GPR39: variants seen among roughly 807,000 people sequenced by gnomAD.
The protein encoded by GPR39 is G protein-coupled receptor 39, also known as zinc sensing receptor.
Under a neutral mutation model 18.4 loss-of-function variants are expected in GPR39, and 23 were observed. The ratio of observed to expected loss-of-function variants is 1.25; its 90% confidence interval spans 0.90 to 1.77. GPR39 has a LOEUF of 1.77. Ranked by LOEUF, GPR39 falls within the 40% of genes most tolerant of loss-of-function variation. GPR39 has a pLI of 0.00. For synonymous variants in GPR39, 280 were observed against 257.9 expected, an observed-to-expected ratio of 1.09 and a Z score of -0.82; for missense variants, 647 against 602.4, an observed-to-expected ratio of 1.07 and a Z score of -0.78.
intron 1 of GPR39, among the ~76,000 whole-genome samples, chr2:132,632,061 T>A (rs1681659918): frequency 6.6e-6 from 1 of 152,068 alleles, no homozygotes; most frequent in Admixed American, 6.5e-5. Context: ...CCTCAAGCGA[T>A]CTGCCCTCGG....
intron 1 of GPR39, among the ~76,000 whole-genome samples, chr2:132,491,813 C>A (rs112722041): frequency 3.9e-5 from 6 of 151,954 alleles, no homozygotes; most frequent in African/African-American, 1.4e-4. Flanking sequence ...TGACCTCAGG[C>A]AAGCCACACA....
At chr2:132,634,398 G>C (rs928733037) in intron 1 of GPR39, among the ~76,000 whole-genome samples, 1 of 152,166 alleles carries the variant, frequency 6.6e-6, no homozygotes, top group Non-Finnish European at 1.5e-5. Flanking sequence ...AACTGTTCCA[G>C]TCAGGTAGAG....
At chr2:132,640,629 A>G (rs1681840808) in intron 1 of GPR39, among the ~76,000 whole-genome samples, 1 of 150,838 alleles carries the variant, frequency 6.6e-6, no homozygotes, top group Admixed American at 6.5e-5. Flanking sequence ...AAAGAATTAT[A>G]GATTTTTTCC....
intron 1 of GPR39, among the ~76,000 whole-genome samples, chr2:132,457,523 C>T (rs1169107938): frequency 6.6e-6 from 1 of 152,196 alleles, no homozygotes; most frequent in Non-Finnish European, 1.5e-5. Context: ...TGTTCCATTG[C>T]TGTCCATATG....
At chr2:132,568,946 G>A (rs532288234) in intron 1 of GPR39, among the ~76,000 whole-genome samples, 3 of 152,188 alleles carry the variant, frequency 2.0e-5, no homozygotes, top group African/African-American at 4.8e-5. Context: ...GGCAGTGAAC[G>A]AAGACAGAAT....
chr2:132,503,769 C>G (rs191993960), intron 1 of GPR39, among the ~76,000 whole-genome samples: 15 of 152,304 alleles, frequency 9.8e-5, no homozygotes, highest in African/African-American at 3.6e-4. Flanking sequence ...GCAGGGCTTT[C>G]TGTGGCTGCT....
At chr2:132,511,688 G>A (rs10496687) in intron 1 of GPR39, among the ~76,000 whole-genome samples, 15,715 of 152,202 alleles carry the variant, frequency 0.1, 895 homozygotes, top group East Asian at 0.17. Flanking sequence ...ACCATTTGCT[G>A]TCTTGGTAAA....
At chr2:132,635,269 C>A (rs899420558) in intron 1 of GPR39, among the ~76,000 whole-genome samples, 1 of 152,240 alleles carries the variant, frequency 6.6e-6, no homozygotes, top group Non-Finnish European at 1.5e-5. Context: ...ATTTATTGAG[C>A]AGCTACTATA....
At chr2:132,461,615 T>C (rs1680833078) in intron 1 of GPR39, among the ~76,000 whole-genome samples, 1 of 152,238 alleles carries the variant, frequency 6.6e-6, no homozygotes, top group African/African-American at 2.4e-5. Context: ...TTGAAAACCA[T>C]ATTGCACATA....
At chr2:132,628,251 G>A (rs1161481348) in intron 1 of GPR39, among the ~76,000 whole-genome samples, 2 of 152,152 alleles carry the variant, frequency 1.3e-5, no homozygotes, top group Non-Finnish European at 2.9e-5. Flanking sequence ...TGAGGCTCCT[G>A]CCCTACTGCT....
At chr2:132,569,216 G>C (rs1323850995) in intron 1 of GPR39, among the ~76,000 whole-genome samples, 1 of 152,104 alleles carries the variant, frequency 6.6e-6, no homozygotes, top group Non-Finnish European at 1.5e-5. Flanking sequence ...AATAACAAGA[G>C]AGATGTTTGA....
intron 1 of GPR39, among the ~76,000 whole-genome samples, chr2:132,634,978 C>T (rs1305099968): frequency 2.6e-5 from 4 of 152,210 alleles, no homozygotes; most frequent in South Asian, 2.1e-4. Flanking sequence ...AAGCCACCTG[C>T]CTTGAAGGCA....
chr2:132,511,435 A>T (rs1447221276), intron 1 of GPR39, among the ~76,000 whole-genome samples: 1 of 152,246 alleles, frequency 6.6e-6, no homozygotes, highest in East Asian at 1.9e-4. Context: ...TTTGAATGAA[A>T]TATGTTAAGC....
chr2:132,515,019 A>T (rs572841469), intron 1 of GPR39, among the ~76,000 whole-genome samples: 1 of 152,034 alleles, frequency 6.6e-6, no homozygotes, highest in African/African-American at 2.4e-5. Flanking sequence ...TATATTTCCA[A>T]CAAAACAAAA....
chr2:132,603,490 G>A (rs552849140), intron 1 of GPR39, among the ~76,000 whole-genome samples: 21 of 152,024 alleles, frequency 1.4e-4, no homozygotes, highest in South Asian at 4.1e-4. Context: ...ATGATATATC[G>A]TATGTTTTCA....
At chr2:132,429,256 GAGTCTCTCAAAAGAAAACGCTCTGT>G (rs1486148486) in intron 1 of GPR39, among the ~76,000 whole-genome samples, 2 of 152,348 alleles carry the variant, frequency 1.3e-5, no homozygotes, top group Admixed American at 6.5e-5. Flanking sequence ...AGCAGAGGGT[GAGTCTCTCAAAAGAAAACGCTCTGT>G]AGTCTCTCAA....
chr2:132,462,674 ATAGAGTT>A (rs1195546195), intron 1 of GPR39, among the ~76,000 whole-genome samples: 1 of 152,128 alleles, frequency 6.6e-6, no homozygotes, highest in African/African-American at 2.4e-5. Context: ...GTCTAATAGT[ATAGAGTT>A]TAAAGTCAGC....
At chr2:132,542,861 A>T (rs2104787157) in intron 1 of GPR39, among the ~76,000 whole-genome samples, 1 of 152,234 alleles carries the variant, frequency 6.6e-6, no homozygotes, top group Middle Eastern at 3.4e-3. Context: ...ACCCAGTTAG[A>T]GTTGGTGCTT....
At chr2:132,546,839 CAAAAAAAAAAAAA>C (rs60267293) in intron 1 of GPR39, among the ~76,000 whole-genome samples, 67 of 33,974 alleles carry the variant, frequency 2.0e-3, no homozygotes, top group African/African-American at 5.6e-3. Flanking sequence ...AGCTCCACAG[CAAAAAAAAAAAAA>C]AAAAAAAAAA....
Sources: allele counts gnomAD v4.1 joint callset (sites outside exome capture counted in the v4.1 genomes callset), GRCh38; gene constraint gnomAD v4.1.1; transcripts MANE v1.5; gene names NCBI Gene and HGNC (gene_info 2026-07-23, HGNC 2026-07-21).